Variants in NBAS observed in about 807,000 individuals in gnomAD.
NBAS encodes the protein NAG/BC035112 fusion.
In NBAS, 219 loss-of-function variants were observed where a neutral mutation model predicts 302.5. The observed-to-expected ratio is 0.72, with a 90% confidence interval of 0.65 to 0.81. The LOEUF (loss-of-function observed/expected upper bound fraction) is 0.81. Ranked by LOEUF, NBAS falls within the 30% of genes least tolerant of loss-of-function variation. NBAS has a pLI of 0.00. For missense variants in NBAS, 2,932 were observed against 2,841.6 expected (o/e 1.03, Z -0.72); for synonymous variants, 1,118 against 1,021.6 (o/e 1.09, Z -1.80).
the NBAS span, among the ~76,000 whole-genome samples, chr2:14,955,131 T>C: frequency 6.6e-6 from 1 of 152,142 alleles, no homozygotes; most frequent in East Asian, 1.9e-4. Context: ...ATGGGAGAAA[T>C]TGGCCAAAAC....
chr2:14,781,133 G>T, the NBAS span, among the ~76,000 whole-genome samples: 1 of 152,134 alleles, frequency 6.6e-6, no homozygotes, highest in South Asian at 2.1e-4. Flanking sequence ...CTCTTTACTG[G>T]GATTGAAATG....
At chr2:15,386,134 A>C (rs1247189633) in intron 28 of NBAS, among the ~76,000 whole-genome samples, 1 of 152,188 alleles carries the variant, frequency 6.6e-6, no homozygotes, top group Non-Finnish European at 1.5e-5. Context: ...AGAAATTATG[A>C]TCTAGAAGGG....
the NBAS span, among the ~76,000 whole-genome samples, chr2:15,043,671 A>G: frequency 3.9e-5 from 6 of 152,096 alleles, no homozygotes; most frequent in African/African-American, 7.2e-5. Context: ...TCTCCCCCTT[A>G]ATCACACCAG....
chr2:14,863,916 T>A, the NBAS span, among the ~76,000 whole-genome samples: 1 of 152,222 alleles, frequency 6.6e-6, no homozygotes, highest in Non-Finnish European at 1.5e-5. Flanking sequence ...CTTGGTCTCA[T>A]ATCAGTTCTT....
At chr2:15,128,886 C>G in the NBAS span, among the ~76,000 whole-genome samples, 1 of 152,126 alleles carries the variant, frequency 6.6e-6, no homozygotes, top group South Asian at 2.1e-4. Flanking sequence ...CACAGAAAGA[C>G]GATGAAGTCA....
chr2:15,517,114 A>G (rs1334283002), intron 9 of NBAS, among the ~76,000 whole-genome samples: 1 of 152,038 alleles, frequency 6.6e-6, no homozygotes, highest in African/African-American at 2.4e-5. Context: ...AAAAAAAAAA[A>G]GTTTAGTGTG....
chr2:15,041,379 C>A, the NBAS span, among the ~76,000 whole-genome samples: 1 of 152,232 alleles, frequency 6.6e-6, no homozygotes, highest in Admixed American at 6.5e-5. Context: ...ATTTTGTTCA[C>A]CCACATCTGT....
At chr2:15,309,299 T>C (rs567863110) in intron 38 of NBAS, 52 bp from the exon 39 acceptor site, 53 of 1,462,222 alleles carry the variant, frequency 3.6e-5, no homozygotes, top group South Asian at 2.6e-4. Flanking sequence ...ATGATATTCA[T>C]AGTTATTAAA....
At chr2:15,473,907 T>C (rs781428484) in intron 15 of NBAS, among the ~76,000 whole-genome samples, 160 bp downstream of exon 15, 2 of 152,218 alleles carry the variant, frequency 1.3e-5, no homozygotes, top group Non-Finnish European at 1.5e-5. Context: ...GTACAAAGAT[T>C]AGCATTATTT....
At chr2:15,450,922 A>G (rs1678973773) in intron 21 of NBAS, among the ~76,000 whole-genome samples, 1 of 152,246 alleles carries the variant, frequency 6.6e-6, no homozygotes, top group African/African-American at 2.4e-5. Context: ...AAACATTAAC[A>G]TTCTTCTTAT....
intron 40 of NBAS, among the ~76,000 whole-genome samples, chr2:15,297,882 G>A (rs1229127574): frequency 6.6e-6 from 1 of 152,094 alleles, no homozygotes; most frequent in African/African-American, 2.4e-5. Flanking sequence ...GTGTCTGTGT[G>A]TGTGTGTAAA....
the NBAS span, among the ~76,000 whole-genome samples, chr2:15,136,464 G>T: frequency 6.6e-6 from 1 of 152,220 alleles, no homozygotes; most frequent in Admixed American, 6.5e-5. Context: ...GATGAATGTG[G>T]CTGGGCTCCA....
chr2:15,369,518 A>T (rs1674384091), intron 31 of NBAS, among the ~76,000 whole-genome samples: 1 of 152,198 alleles, frequency 6.6e-6, no homozygotes, highest in South Asian at 2.1e-4. Context: ...TACTTTATTT[A>T]CTTACGTATT....
At chr2:14,789,027 TG>T in the NBAS span, among the ~76,000 whole-genome samples, 2 of 152,240 alleles carry the variant, frequency 1.3e-5, no homozygotes, top group African/African-American at 4.8e-5. Context: ...TAAGCAAGGC[TG>T]GGCAATGGCG....
At chr2:15,122,361 G>A in the NBAS span, among the ~76,000 whole-genome samples, 1 of 152,158 alleles carries the variant, frequency 6.6e-6, no homozygotes, top group Non-Finnish European at 1.5e-5. Context: ...GGAAGCCCAT[G>A]CATGACATGG....
chr2:14,944,721 A>G, the NBAS span, among the ~76,000 whole-genome samples: 1 of 151,414 alleles, frequency 6.6e-6, no homozygotes, highest in Non-Finnish European at 1.5e-5. Context: ...GGGACACAGA[A>G]AGTGAAAAGT....
chr2:15,353,697 A>T lies in NBAS; in HGVS notation c.3945T>A (p.Ser1315Arg), dbSNP rs773921162. The T allele has an allele frequency of 3.7e-6, 6 of 1,614,028 alleles. No homozygotes were observed. Among genetic ancestry groups the T allele is most frequent in the African/African-American group, 1.3e-5 (1 of 75,012 alleles). The change falls in exon 34 of 52, where the codon AGT becomes AGA. Residue 1315 changes from serine to arginine, a missense_variant. By Grantham distance (110) the Ser-to-Arg change is moderately radical. Transcript: ENST00000281513. ...QELMATGYPK[S>R]WDVCSQLGQS... ...GTCCTAACTGGCTACAAACATCCCA[A>T]CTTTTAGGATAACCTGCAAAATTGG...
At chr2:14,814,352 G>A in the NBAS span, among the ~76,000 whole-genome samples, 2 of 152,246 alleles carry the variant, frequency 1.3e-5, no homozygotes, top group African/African-American at 2.4e-5. Context: ...GCCTGTGAAA[G>A]CAGCCATGGG....
chr2:15,366,698 A>G lies in NBAS; in HGVS notation c.3704-5T>C, dbSNP rs755777887. 6 of 1,613,002 alleles carry G rather than the reference A, an allele frequency of 3.7e-6. No individual in the cohort carries two copies. The Admixed American group carries it at 5.0e-5, about 13-fold the overall frequency. On this transcript the variant is annotated splice_polypyrimidine_tract_variant and splice_region_variant and intron_variant, in intron 31 of 51. Transcript: ENST00000281513. ...TCCGATCAGGGCACAATCGCACTAC[A>G]AAAGAAAGACGTATTAAAGACTTGG...
Sources: gnomAD v4.1 joint callset for allele counts (sites outside exome capture counted in the v4.1 genomes callset) on GRCh38, gnomAD v4.1.1 for gene constraint, MANE v1.5 for transcripts, NCBI Gene and HGNC (gene_info 2026-07-23, HGNC 2026-07-21) for gene names.